Variants in ZFHX3 observed in about 807,000 individuals in gnomAD.
ZFHX3 encodes zinc finger homeobox 3.
A neutral mutation model predicts 279.1 loss-of-function variants in ZFHX3; 42 were observed. The ratio of observed to expected loss-of-function variants is 0.15; its 90% CI spans 0.12 to 0.19. The LOEUF (loss-of-function observed/expected upper bound fraction) is 0.19, where lower values mean the gene tolerates loss of function less well. ZFHX3 is among the 10% of genes least tolerant of loss of function. The probability of loss-of-function intolerance (pLI) is 1.00; values close to 1 mark genes in which losing one functional copy is unlikely to be tolerated. For missense variants in ZFHX3, 4,981 were observed against 4,754.0 expected (o/e 1.05, Z -1.40); for synonymous variants, 2,293 against 1,957.8 (o/e 1.17, Z -4.52).
intron 5 of ZFHX3, among the ~76,000 whole-genome samples, chr16:72,814,925 A>G (rs1386705937): frequency 1.3e-5 from 2 of 152,040 alleles, no homozygotes; most frequent in African/African-American, 4.8e-5. Context: ...TGCCATCCTT[A>G]TAACAGATTC....
rs560319292 is a variant in ZFHX3, at chr16:73,356,901, A to T, written c.-1290-38565T>A. 8.3e-4 allele frequency among the ~76,000 whole-genome samples: 125 copies of T among 150,194 alleles called. 1 individual carries two copies. Among genetic ancestry groups the T allele is most frequent in the African/African-American group, 2.9e-3 (119 of 40,820 alleles). On this transcript the variant is annotated intron_variant, in intron 3 of 17. Transcript: ENST00000641206. ...AGGCCTGTGCTGGGAGGTGCCCAAG[A>T]GCTAACAGGGTGGGAAGCAGCCGTT...
At chr16:73,692,478 G>A (rs1489389394) in intron 1 of ZFHX3, among the ~76,000 whole-genome samples, 1 of 152,098 alleles carries the variant, frequency 6.6e-6, no homozygotes, top group African/African-American at 2.4e-5. Context: ...AGAGAAGGGA[G>A]GGAATTAAAG....
chr16:73,055,561 T>TG (rs745774021), intron 1 of ZFHX3, among the ~76,000 whole-genome samples: 60 of 152,280 alleles, frequency 3.9e-4, no homozygotes, highest in Admixed American at 1.2e-3. Flanking sequence ...AATGTGACCC[T>TG]GAGGAGAAGG....
At chr16:73,427,959 G>A (rs1372728734) in intron 3 of ZFHX3, among the ~76,000 whole-genome samples, 1 of 151,804 alleles carries the variant, frequency 6.6e-6, no homozygotes, top group Non-Finnish European at 1.5e-5. Context: ...AAAAAAAACC[G>A]AAACAGGTAC....
At position 73,863,936 on chromosome 16, in the gene ZFHX3, T is replaced by C. The variant is rs575653545; in HGVS notation, c.-1608+27715A>G. Among the ~76,000 whole-genome samples, 3 of 152,320 alleles carry C rather than the reference T, an allele frequency of 2.0e-5. No individual in the cohort carries two copies. The East Asian group carries it at 5.8e-4, about 29-fold the overall frequency. ...CAGATAGAAAAATGATCACGCTCTTTTCTCCAAGCAAGACAAGTACCCATC... is the reference window on the plus strand; with the variant it reads ...CAGATAGAAAAATGATCACGCTCTTCTCTCCAAGCAAGACAAGTACCCATC... On this transcript the variant is annotated intron_variant, in intron 1 of 17. Coordinates refer to the ZFHX3 transcript ENST00000641206.
chr16:73,459,965 G>A (rs1356014876), intron 2 of ZFHX3, among the ~76,000 whole-genome samples: 1 of 152,062 alleles, frequency 6.6e-6, no homozygotes. Flanking sequence ...GATTTGGGTG[G>A]GGACACAAGG....
chr16:72,884,356 G>A (rs1262681038), intron 4 of ZFHX3, among the ~76,000 whole-genome samples: 2 of 152,188 alleles, frequency 1.3e-5, no homozygotes, highest in Admixed American at 6.5e-5. Context: ...AGCAAAACAA[G>A]TCTCTTAAAT....
At chr16:73,552,936 C>G (rs186823255) in intron 2 of ZFHX3, among the ~76,000 whole-genome samples, 1 of 152,178 alleles carries the variant, frequency 6.6e-6, no homozygotes, top group African/African-American at 2.4e-5. Flanking sequence ...GTTTCCTTCT[C>G]GGGATTTTCA....
At chr16:73,519,819 A>G (rs2019581850) in intron 2 of ZFHX3, among the ~76,000 whole-genome samples, 1 of 152,200 alleles carries the variant, frequency 6.6e-6, no homozygotes, top group African/African-American at 2.4e-5. Context: ...TTTGATTAGC[A>G]AACCGTACTC....
chr16:73,744,075 C>T (rs1213534656), intron 1 of ZFHX3, among the ~76,000 whole-genome samples: 26 of 152,218 alleles, frequency 1.7e-4, no homozygotes, highest in Non-Finnish European at 8.8e-5. Flanking sequence ...GCATGTGATG[C>T]CAACTCAGCA....
intron 3 of ZFHX3, among the ~76,000 whole-genome samples, chr16:73,381,409 G>A (rs2016815410): frequency 6.6e-6 from 1 of 152,134 alleles, no homozygotes; most frequent in South Asian, 2.1e-4. Flanking sequence ...TGTATATAAA[G>A]CCATAGTAAT....
chr16:73,145,899 C>A (rs1966860910), intron 5 of ZFHX3, among the ~76,000 whole-genome samples: 2 of 152,184 alleles, frequency 1.3e-5, no homozygotes, highest in South Asian at 4.1e-4. Flanking sequence ...TCAATGTGTT[C>A]TGGAAGAGAT....
chr16:73,382,898 G>A (rs758686295), intron 3 of ZFHX3, among the ~76,000 whole-genome samples: 1 of 152,188 alleles, frequency 6.6e-6, no homozygotes, highest in Non-Finnish European at 1.5e-5. Context: ...CCTCAGTGCT[G>A]TTGCCCCTCT....
chr16:73,181,732 T>C (rs750431666), intron 5 of ZFHX3, among the ~76,000 whole-genome samples: 1 of 152,272 alleles, frequency 6.6e-6, no homozygotes, highest in Non-Finnish European at 1.5e-5. Context: ...CTATGCAATG[T>C]CAAGAAATAA....
At chr16:73,283,380 T>C (rs762891432) in intron 4 of ZFHX3, among the ~76,000 whole-genome samples, 4 of 152,244 alleles carry the variant, frequency 2.6e-5, no homozygotes, top group Non-Finnish European at 5.9e-5. Context: ...TTAACAATTA[T>C]TTCAAGACCA....
intron 2 of ZFHX3, among the ~76,000 whole-genome samples, chr16:73,469,373 G>A (rs1321747791): frequency 6.6e-6 from 1 of 152,182 alleles, no homozygotes; most frequent in African/African-American, 2.4e-5. Flanking sequence ...ATGATGAACA[G>A]GGGTGCGGTG....
intron 2 of ZFHX3, among the ~76,000 whole-genome samples, chr16:73,646,211 A>G (rs1316368114): frequency 6.6e-6 from 1 of 152,200 alleles, no homozygotes; most frequent in South Asian, 2.1e-4. Flanking sequence ...GAGGTGATAG[A>G]TTAAAGAAAG....
In ZFHX3 at chr16:73,433,739, C is replaced by A. The variant is rs551143464; in HGVS notation, c.-1291+22264G>T. Reference sequence around the variant, plus strand: ...CGCCCAGCCTGTACTGGCAATGATGCTTCTGGAAGGGCCTGGGGAGTGAGC... The same window carrying A: ...CGCCCAGCCTGTACTGGCAATGATGATTCTGGAAGGGCCTGGGGAGTGAGC... On this transcript the variant is annotated intron_variant, in intron 3 of 17. Coordinates refer to the ZFHX3 transcript ENST00000641206. Among the ~76,000 whole-genome samples, 70 of 152,324 alleles carry A rather than the reference C, an allele frequency of 4.6e-4. 2 individuals are homozygous for A. In the South Asian group the frequency reaches 0.014, roughly 30 times the overall value.
chr16:73,292,690 G>C (rs1233805537), intron 4 of ZFHX3, among the ~76,000 whole-genome samples: 3 of 151,046 alleles, frequency 2.0e-5, no homozygotes, highest in Admixed American at 2.0e-4. Context: ...TGTGTGTGTG[G>C]CGGGAGCGGG....
Sources: gnomAD v4.1 joint callset for allele counts (sites outside exome capture counted in the v4.1 genomes callset) on GRCh38, gnomAD v4.1.1 for gene constraint, MANE v1.5 for transcripts, NCBI Gene and HGNC (gene_info 2026-07-23, HGNC 2026-07-21) for gene names.